The following PLPP1 variants were observed in gnomAD, a reference collection of about 807,000 sequenced individuals.
PLPP1 encodes lipid phosphate phosphohydrolase 1a.
A neutral mutation model predicts 31.2 loss-of-function variants in PLPP1; 24 were observed. The observed-to-expected ratio is 0.77, with a 90% CI of 0.56 to 1.08. PLPP1 has a LOEUF of 1.08. Among genes scored for constraint, PLPP1 ranks in the 50% least tolerant of loss-of-function variants. The pLI is 0.00. For missense variants in PLPP1, 319 were observed against 342.7 expected (o/e 0.93, Z 0.55); for synonymous variants, 146 against 126.3 (o/e 1.16, Z -1.05).
chr5:55,526,062 G>C (rs982637764), intron 1 of PLPP1, among the ~76,000 whole-genome samples: 1 of 151,774 alleles, frequency 6.6e-6, no homozygotes, highest in Non-Finnish European at 1.5e-5. Flanking sequence ...AGTGACTTTT[G>C]CTGCCAACTT....
chr5:55,475,199 A>G, intron 2 of PLPP1, 100 bp downstream of exon 2: 3 of 1,080,224 alleles, frequency 2.8e-6, no homozygotes, highest in South Asian at 3.8e-5. Context: ...AAAAGCATAC[A>G]TTGTTTTTGG....
intron 3 of PLPP1, among the ~76,000 whole-genome samples, chr5:55,458,704 A>C (rs891275287): frequency 5.3e-5 from 8 of 152,012 alleles, no homozygotes; most frequent in Admixed American, 3.3e-4. Context: ...ACTGTCCAAC[A>C]TGGTGAAACC....
At chr5:55,473,137 C>G (rs530441850) in intron 2 of PLPP1, among the ~76,000 whole-genome samples, 1 of 152,238 alleles carries the variant, frequency 6.6e-6, no homozygotes, top group Non-Finnish European at 1.5e-5. Flanking sequence ...AACATACATA[C>G]TTTTTAAAAA....
chr5:55,500,780 G>C lies in PLPP1; in HGVS notation c.59-25330C>G, dbSNP rs559966447. On this transcript the variant is annotated intron_variant, in intron 1 of 5. Transcript: ENST00000307259. ...TACCAGTGTATATGAGAGATGTTAA[G>C]GGCCTGAAACAAAGAAATAACGGGG... Among the ~76,000 whole-genome samples, 193 of 152,198 alleles carry C rather than the reference G, an allele frequency of 1.3e-3. 1 individual carries two copies. Among genetic ancestry groups the C allele is most frequent in the Admixed American group, 4.3e-3 (66 of 15,278 alleles).
intron 1 of PLPP1, among the ~76,000 whole-genome samples, chr5:55,495,940 C>A (rs1752995204): frequency 6.6e-6 from 1 of 152,124 alleles, no homozygotes; most frequent in South Asian, 2.1e-4. Flanking sequence ...TCACTGCAAC[C>A]TCTGCCTCCC....
chr5:55,521,782 A>G (rs962055922), intron 1 of PLPP1, among the ~76,000 whole-genome samples: 1 of 152,196 alleles, frequency 6.6e-6, no homozygotes, highest in African/African-American at 2.4e-5. Flanking sequence ...TGGTATCTCC[A>G]GTGGTAGGTA....
chr5:55,439,599 G>A (rs911576254), intron 4 of PLPP1, among the ~76,000 whole-genome samples: 4 of 152,142 alleles, frequency 2.6e-5, no homozygotes, highest in Admixed American at 6.5e-5. Context: ...TCATTTTCCC[G>A]AGTTGATATC....
At chr5:55,471,929 T>A (rs192642160) in intron 2 of PLPP1, among the ~76,000 whole-genome samples, 7 of 150,514 alleles carry the variant, frequency 4.7e-5, no homozygotes, top group Admixed American at 2.0e-4. Flanking sequence ...GACACAAGCC[T>A]GCACAACACA....
chr5:55,474,133 ATTACAGGTG>A (rs1456407154), intron 2 of PLPP1, among the ~76,000 whole-genome samples: 1 of 151,520 alleles, frequency 6.6e-6, no homozygotes, highest in Non-Finnish European at 1.5e-5. Flanking sequence ...AGTAGCTGGG[ATTACAGGTG>A]TGTGCCACCA....
chr5:55,426,415 A>T (rs1268577127), intron 4 of PLPP1, among the ~76,000 whole-genome samples: 1 of 152,132 alleles, frequency 6.6e-6, no homozygotes, highest in Admixed American at 6.5e-5. Flanking sequence ...TGTTTTCCTT[A>T]AAGAAATGGG....
At chr5:55,429,676 C>T (rs1178006104) in intron 4 of PLPP1, among the ~76,000 whole-genome samples, 5 of 152,090 alleles carry the variant, frequency 3.3e-5, no homozygotes, top group African/African-American at 1.2e-4. Flanking sequence ...GCATCATTCC[C>T]TGAGGCCCAA....
At chr5:55,491,970 C>A (rs987265165) in intron 1 of PLPP1, among the ~76,000 whole-genome samples, 2 of 59,400 alleles carry the variant, frequency 3.4e-5, no homozygotes, top group Non-Finnish European at 1.1e-4. Context: ...CTTTTGTTTT[C>A]CAAAGACAAA....
At chr5:55,487,193 T>C (rs756086698) in intron 1 of PLPP1, among the ~76,000 whole-genome samples, 7 of 152,176 alleles carry the variant, frequency 4.6e-5, no homozygotes, top group Non-Finnish European at 1.0e-4. Context: ...AATTTTTAAA[T>C]TTAGACAAAG....
At position 55,530,364 on chromosome 5, in the gene PLPP1, T is replaced by C; in HGVS notation, c.58+4208A>G. 3 of 1,344,328 alleles carry C rather than the reference T, an allele frequency of 2.2e-6. No individual in the cohort carries two copies. The South Asian group carries it at 3.5e-5, about 16-fold the overall frequency. The allele number at this position is 1,344,328 out of a possible 1,614,324, so 83.3% of individuals were successfully genotyped here. The stretch of plus-strand genomic sequence containing the variant: ...AACTATCTGAAATAAGTGATTACTG[T>C]TAGAGTGATCCAGTAAACGCTCTCT... On this transcript the variant is annotated intron_variant, in intron 1 of 5. Coordinates refer to ENST00000307259, the MANE Select transcript of PLPP1 (RefSeq NM_003711.4).
intron 1 of PLPP1, among the ~76,000 whole-genome samples, chr5:55,523,352 C>A (rs994556999): frequency 1.3e-5 from 2 of 152,068 alleles, no homozygotes; most frequent in African/African-American, 2.4e-5. Flanking sequence ...TTGTACTCAT[C>A]AACCATCCCC....
intron 1 of PLPP1, among the ~76,000 whole-genome samples, chr5:55,495,107 G>A (rs1752977935): frequency 6.7e-6 from 1 of 148,812 alleles, no homozygotes; most frequent in African/African-American, 2.5e-5. Flanking sequence ...CTCCAGCCTG[G>A]GCAACAAGAG....
chr5:55,454,538 A>G (rs1751964629), intron 3 of PLPP1, among the ~76,000 whole-genome samples: 1 of 152,156 alleles, frequency 6.6e-6, no homozygotes, highest in Admixed American at 6.5e-5. Context: ...CTCAGGGGCT[A>G]TTATTGGTTT....
chr5:55,471,708 C>T (rs4865945), intron 2 of PLPP1, among the ~76,000 whole-genome samples: 130,470 of 152,138 alleles, frequency 0.86, 56,378 homozygotes, highest in South Asian at 0.92. Context: ...GTCTTAATCA[C>T]AGGGATTTTT....
chr5:55,498,132 T>C (rs1753042435), intron 1 of PLPP1, among the ~76,000 whole-genome samples: 1 of 151,924 alleles, frequency 6.6e-6, no homozygotes, highest in Admixed American at 6.6e-5. Flanking sequence ...ATTTATAGAG[T>C]CTATATTAAG....
Sources: gnomAD v4.1 joint callset for allele counts (sites outside exome capture counted in the v4.1 genomes callset) on GRCh38, gnomAD v4.1.1 for gene constraint, MANE v1.5 for transcripts, NCBI Gene and HGNC (gene_info 2026-07-23, HGNC 2026-07-21) for gene names.